Variants in RBFOX1 observed in about 807,000 individuals in gnomAD.
RBFOX1 encodes RNA binding protein fox-1 homolog 1.
Under a neutral mutation model 57.7 loss-of-function variants are expected in RBFOX1, and 8 were observed. The ratio of observed to expected loss-of-function variants is 0.14; its 90% CI spans 0.08 to 0.25. The LOEUF is 0.25. RBFOX1 is among the 10% of genes least tolerant of loss of function. The pLI is 1.00. For missense variants in RBFOX1, 611 were observed against 548.5 expected, an observed-to-expected ratio of 1.11 and a Z score of -1.14; for synonymous variants, 326 against 222.4, an observed-to-expected ratio of 1.47 and a Z score of -4.15.
intron 4 of RBFOX1, among the ~76,000 whole-genome samples, chr16:7,184,652 A>C (rs1000829716): frequency 8.7e-5 from 13 of 148,618 alleles, no homozygotes; most frequent in Admixed American, 6.6e-4. Context: ...GCTTGATCAC[A>C]TGGGTATACC....
At chr16:5,302,508 C>T (rs1057148083) in intron 1 of RBFOX1, among the ~76,000 whole-genome samples, 1 of 152,134 alleles carries the variant, frequency 6.6e-6, no homozygotes, top group African/African-American at 2.4e-5. Flanking sequence ...TTTCTGGTTG[C>T]TTTATCAGTT....
At chr16:7,448,965 T>C (rs1208333616) in intron 4 of RBFOX1, among the ~76,000 whole-genome samples, 3 of 139,274 alleles carry the variant, frequency 2.2e-5, no homozygotes, top group African/African-American at 7.9e-5. Context: ...GTTTTGCTCT[T>C]GTTGCCCAGG....
intron 2 of RBFOX1, among the ~76,000 whole-genome samples, chr16:6,502,367 G>A (rs2095961767): frequency 6.6e-6 from 1 of 152,120 alleles, no homozygotes; most frequent in African/African-American, 2.4e-5. Flanking sequence ...AAGAAGAGGT[G>A]TCCCAAACCA....
At chr16:7,042,326 C>G (rs1305981741) in intron 3 of RBFOX1, among the ~76,000 whole-genome samples, 1 of 152,064 alleles carries the variant, frequency 6.6e-6, no homozygotes, top group Non-Finnish European at 1.5e-5. Flanking sequence ...GTTTGGTTTA[C>G]CTGACCCTGG....
chr16:7,069,643 C>T (rs567672996), intron 4 of RBFOX1, among the ~76,000 whole-genome samples: 3 of 152,246 alleles, frequency 2.0e-5, no homozygotes, highest in Admixed American at 1.3e-4. Flanking sequence ...GGAAAAAGCA[C>T]TCAACTGAGG....
chr16:6,616,623 C>A (rs923571980), intron 2 of RBFOX1, among the ~76,000 whole-genome samples: 1 of 152,110 alleles, frequency 6.6e-6, no homozygotes, highest in East Asian at 1.9e-4. Flanking sequence ...TGCAGTGAGC[C>A]GAGATCGTGC....
chr16:6,612,831 G>T (rs930842741), intron 2 of RBFOX1, among the ~76,000 whole-genome samples: 2 of 137,578 alleles, frequency 1.5e-5, no homozygotes, highest in African/African-American at 2.8e-5. Flanking sequence ...CAGCCTGGGA[G>T]ACAGTGAGAC....
intron 3 of RBFOX1, chr16:6,705,299 G>A (rs1485238036): frequency 2.0e-5 from 3 of 150,630 alleles, no homozygotes; most frequent in African/African-American, 7.5e-5. Context: ...CTGTTTGAGT[G>A]GGAGGTTACA....
At chr16:5,956,918 C>A (rs1055954872) in intron 4 of RBFOX1, among the ~76,000 whole-genome samples, 2 of 151,552 alleles carry the variant, frequency 1.3e-5, no homozygotes, top group South Asian at 2.1e-4. Context: ...ATCCATCTGC[C>A]TTGGCATCCC....
chr16:7,207,222 G>C (rs192759341), intron 4 of RBFOX1, among the ~76,000 whole-genome samples: 193 of 152,274 alleles, frequency 1.3e-3, no homozygotes, highest in African/African-American at 4.5e-3. Context: ...TCATTTTTAT[G>C]TATATGGCAT....
intron 2 of RBFOX1, among the ~76,000 whole-genome samples, chr16:6,597,544 G>T (rs2097788978): frequency 6.6e-6 from 1 of 152,080 alleles, no homozygotes; most frequent in African/African-American, 2.4e-5. Flanking sequence ...GTGGTTGCAG[G>T]CGCCTGTAGT....
At chr16:6,434,386 C>A (rs974470941) in intron 2 of RBFOX1, among the ~76,000 whole-genome samples, 4 of 152,064 alleles carry the variant, frequency 2.6e-5, no homozygotes, top group Non-Finnish European at 5.9e-5. Context: ...TTCCTCTTCT[C>A]GATGGCCATG....
At chr16:7,587,137 C>G (rs892678053) in intron 6 of RBFOX1, 110 bp from the exon 7 acceptor site, 3 of 1,238,726 alleles carry the variant, frequency 2.4e-6, no homozygotes, top group Admixed American at 3.5e-5. Context: ...AAATGTGTAT[C>G]CTTGGTATTA....
intron 1 of RBFOX1, among the ~76,000 whole-genome samples, chr16:6,119,733 C>T (rs2096534273): frequency 1.3e-5 from 2 of 152,142 alleles, no homozygotes; most frequent in Non-Finnish European, 2.9e-5. Flanking sequence ...AGACTCGTGA[C>T]CCTAAGCAAT....
In RBFOX1 at chr16:5,974,447, A is replaced by G. The variant is rs139808943; in HGVS notation, c.351+107112A>G. 7.3e-3 allele frequency among the ~76,000 whole-genome samples: 1,105 copies of G among 151,936 alleles called. 12 individuals are homozygous for G. The highest frequency in any genetic ancestry group is 0.024 in the African/African-American group (1,009 of 41,428). ...AACATGGTGAAACCCCGTCCCTACT[A>G]AAAATACAAAAAATTAGCTGGCCGT... On this transcript the variant is annotated intron_variant, in intron 4 of 19. Coordinates refer to the RBFOX1 transcript ENST00000641259.
Position 5,909,820 on chromosome 16 carries a change from G to A in RBFOX1, c.351+42485G>A, listed in dbSNP as rs527282487. ...TAATCTCAGCACTTTGGGAGACCGC[G>A]GCGGGCAGATCACTTGAGGTCAGGA... On this transcript the variant is annotated intron_variant, in intron 4 of 19. Coordinates refer to the RBFOX1 transcript ENST00000641259. Among the ~76,000 whole-genome samples the A allele has an allele frequency of 3.9e-5, 6 of 152,230 alleles. No homozygotes were observed. In the South Asian group the frequency reaches 6.2e-4, roughly 16 times the overall value.
At chr16:7,420,486 G>T (rs918985995) in intron 4 of RBFOX1, among the ~76,000 whole-genome samples, 1 of 152,152 alleles carries the variant, frequency 6.6e-6, no homozygotes, top group South Asian at 2.1e-4. Context: ...TGTCTAAATC[G>T]ATACATCTCT....
In RBFOX1 at chr16:5,252,688, G is replaced by A. The variant is rs554177479; in HGVS notation, c.219+12583G>A. Among the ~76,000 whole-genome samples, 15 of 150,686 alleles carry A rather than the reference G, an allele frequency of 1.0e-4. No homozygotes were observed. The East Asian group carries it at 2.5e-3, about 25-fold the overall frequency. On this transcript the variant is annotated intron_variant, in intron 1 of 2. Coordinates refer to the RBFOX1 transcript ENST00000585867. ...TTCCCTGCCATCTCTCTCCAAATACGGTGGCAAGAGCTATCCCATCCGCCC... is the reference window on the plus strand; with the variant it reads ...TTCCCTGCCATCTCTCTCCAAATACAGTGGCAAGAGCTATCCCATCCGCCC...
intron 4 of RBFOX1, among the ~76,000 whole-genome samples, chr16:7,129,987 C>T (rs2069784153): frequency 6.6e-6 from 1 of 151,742 alleles, no homozygotes; most frequent in South Asian, 2.1e-4. Flanking sequence ...ATATACTCCT[C>T]TACTTCCATC....
Sources: allele counts gnomAD v4.1 joint callset (sites outside exome capture counted in the v4.1 genomes callset), GRCh38; gene constraint gnomAD v4.1.1; transcripts MANE v1.5; gene names NCBI Gene and HGNC (gene_info 2026-07-23, HGNC 2026-07-21).